The following RIMS1 variants were observed in gnomAD, a reference collection of about 807,000 sequenced individuals.
RIMS1 encodes regulating synaptic membrane exocytosis 1.
A neutral mutation model predicts 214.1 loss-of-function variants in RIMS1; 83 were observed. That is an observed-to-expected ratio of 0.39 (90% CI 0.32 to 0.47). The LOEUF is 0.47. Ranked by LOEUF, RIMS1 falls within the 20% of genes least tolerant of loss-of-function variation. The pLI is 0.99. For synonymous variants in RIMS1, 793 were observed against 786.8 expected (o/e 1.01, Z -0.13); for missense variants, 2,050 against 2,161.8 (o/e 0.95, Z 1.03).
At chr6:72,320,730 T>G (rs577006611) in intron 28 of RIMS1, among the ~76,000 whole-genome samples, 3 of 152,174 alleles carry the variant, frequency 2.0e-5, no homozygotes, top group Admixed American at 1.3e-4. Flanking sequence ...TACTTATTAT[T>G]GTTTTTTAGC....
intron 28 of RIMS1, among the ~76,000 whole-genome samples, chr6:72,318,855 A>G (rs1411479688): frequency 6.6e-6 from 1 of 152,164 alleles, no homozygotes; most frequent in Non-Finnish European, 1.5e-5. Context: ...GGCTAAGGAC[A>G]TATGCCTTTC....
At chr6:72,178,694 C>T (rs2048047005) in intron 4 of RIMS1, among the ~76,000 whole-genome samples, 1 of 152,192 alleles carries the variant, frequency 6.6e-6, no homozygotes, top group Non-Finnish European at 1.5e-5. Context: ...GAGCTGTTAG[C>T]ACCTATCTTT....
At chr6:72,266,186 C>T (rs2080439397) in intron 22 of RIMS1, 137 bp downstream of exon 22, 1 of 708,918 alleles carries the variant, frequency 1.4e-6, no homozygotes, top group African/African-American at 1.8e-5. Flanking sequence ...TTCCCCTTCC[C>T]TTATTATACA....
intron 5 of RIMS1, among the ~76,000 whole-genome samples, chr6:72,180,597 A>G (rs1000674720): frequency 4.6e-5 from 7 of 152,236 alleles, no homozygotes; most frequent in Admixed American, 4.6e-4. Flanking sequence ...TGATCAGATT[A>G]TTTACTTTGA....
In RIMS1 at chr6:72,265,496, C is replaced by G. The variant is rs765280842; in HGVS notation, c.3301C>G (p.Leu1101Val). 6.5e-7 allele frequency: 1 copy of G among 1,546,286 alleles called. No individual in the cohort carries two copies. Among genetic ancestry groups the G allele is most frequent in the Non-Finnish European group, 8.9e-7 (1 of 1,120,508 alleles). Residue 1101 changes from leucine to valine, a missense_variant, in exon 21 of 34, where the codon CTG becomes GTG. Leu to Val is a conservative substitution (Grantham distance 32, BLOSUM62 1). Around this residue, in one of 6 missense-constraint regions of RIMS1, gnomAD observed 889 missense variants for 885.5 expected, o/e 1.00. Coordinates refer to ENST00000521978, the MANE Select transcript of RIMS1 (RefSeq NM_014989.7). ...STVLRFTDEI[L>V]VSELQPFLDR... ...AGTATTGAGATTTACTGATGAAATA[C>G]TGGTTAGGTAAGAACATTTGGAAGT... is the stretch of plus-strand genomic sequence containing the variant.
rs377618811 is a variant in RIMS1 at position 71,912,486 on chromosome 6, A to G, written c.164+25299A>G. Among the ~76,000 whole-genome samples, 26 of 152,240 alleles carry G rather than the reference A, an allele frequency of 1.7e-4. No individual in the cohort carries two copies. The East Asian group carries it at 4.8e-3, about 28-fold the overall frequency. ...GTTATTATAACTGCTATTAAATTGT[A>G]ATAGTTTATAAAGCCTGAGTGTCTT... On this transcript the variant is annotated intron_variant, in intron 1 of 33. Coordinates refer to ENST00000521978, the MANE Select transcript of RIMS1 (RefSeq NM_014989.7).
chr6:72,113,886 A>T (rs1042125655), intron 4 of RIMS1, among the ~76,000 whole-genome samples: 5 of 152,126 alleles, frequency 3.3e-5, no homozygotes, highest in African/African-American at 1.2e-4. Flanking sequence ...TGCTATATGC[A>T]AGACACTTTT....
intron 2 of RIMS1, among the ~76,000 whole-genome samples, chr6:72,004,982 T>G (rs1389978780): frequency 1.3e-5 from 2 of 152,004 alleles, no homozygotes; most frequent in East Asian, 3.8e-4. Flanking sequence ...TAGGTTTTCT[T>G]CTAGGGTTTT....
chr6:72,108,052 TCTGTTGCCCAGG>T (rs899963324), intron 4 of RIMS1, among the ~76,000 whole-genome samples: 3 of 152,184 alleles, frequency 2.0e-5, no homozygotes, highest in African/African-American at 7.2e-5. Flanking sequence ...AGGGTCTCAT[TCTGTTGCCCAGG>T]CTCTAGTGCA....
chr6:72,100,964 A>G (rs1443797053), intron 4 of RIMS1, among the ~76,000 whole-genome samples: 4 of 151,936 alleles, frequency 2.6e-5, no homozygotes, highest in Non-Finnish European at 5.9e-5. Context: ...TATTTTTGGT[A>G]TTTATTTTTG....
intron 27 of RIMS1, among the ~76,000 whole-genome samples, chr6:72,312,198 A>T (rs2095544478): frequency 6.6e-6 from 1 of 152,180 alleles, no homozygotes; most frequent in Non-Finnish European, 1.5e-5. Context: ...ATCACAAAGG[A>T]TAGATGACTT....
intron 28 of RIMS1, among the ~76,000 whole-genome samples, chr6:72,329,149 G>A (rs1456320091): frequency 6.6e-6 from 1 of 151,874 alleles, no homozygotes; most frequent in Non-Finnish European, 1.5e-5. Flanking sequence ...AGGCATCCTT[G>A]GGCTTATAGA....
intron 4 of RIMS1, among the ~76,000 whole-genome samples, chr6:72,161,151 T>C (rs1352545107): frequency 7.1e-6 from 1 of 140,946 alleles, no homozygotes; most frequent in Non-Finnish European, 1.6e-5. Context: ...CCATTTCTTC[T>C]AGATTTTCTA....
chr6:72,249,588 A>G (rs2072082755), intron 12 of RIMS1, among the ~76,000 whole-genome samples: 1 of 152,072 alleles, frequency 6.6e-6, no homozygotes, highest in Non-Finnish European at 1.5e-5. Context: ...CTGGCAACAT[A>G]GCAAGACCCC....
chr6:72,287,597 T>C (rs1245528715), intron 24 of RIMS1, among the ~76,000 whole-genome samples: 1 of 137,488 alleles, frequency 7.3e-6, no homozygotes, highest in African/African-American at 2.8e-5. Flanking sequence ...CTCTGCAAAC[T>C]TTTTTTTTTT....
intron 6 of RIMS1, among the ~76,000 whole-genome samples, chr6:72,185,302 GA>G (rs35031218): frequency 0.53 from 80,305 of 151,724 alleles, 22,959 homozygotes; most frequent in East Asian, 0.83. Flanking sequence ...CGTTGTTATA[GA>G]AAAAAAACAT....
chr6:72,332,575 A>C (rs1178406725), intron 28 of RIMS1, among the ~76,000 whole-genome samples: 1 of 148,114 alleles, frequency 6.8e-6, no homozygotes, highest in African/African-American at 2.5e-5. Flanking sequence ...TAGGAGATAT[A>C]CCTAATGCTA....
rs773824677 is a variant in RIMS1, at chr6:72,099,958, T to C, written c.460-17T>C. 3.7e-6 allele frequency: 6 copies of C among 1,601,756 alleles called. No homozygotes were observed. In the African/African-American group the frequency reaches 5.3e-5, roughly 14 times the overall value. Reference sequence around the variant, plus strand: ...GTCTTCTTTCTCTACTCTGCTTCCTTGGATGCTTTCCCAAAGGAGGACAAA... The same window carrying C: ...GTCTTCTTTCTCTACTCTGCTTCCTCGGATGCTTTCCCAAAGGAGGACAAA... On this transcript the variant is annotated splice_polypyrimidine_tract_variant and intron_variant, in intron 3 of 33. Transcript: ENST00000521978.
At chr6:72,380,189 T>A (rs1035307533) in intron 29 of RIMS1, among the ~76,000 whole-genome samples, 4 of 151,994 alleles carry the variant, frequency 2.6e-5, no homozygotes, top group Non-Finnish European at 5.9e-5. Context: ...TAGGTGGGAA[T>A]TGAACAATGG....
Sources: gnomAD v4.1 joint callset for allele counts (sites outside exome capture counted in the v4.1 genomes callset) on GRCh38, gnomAD v4.1.1 for gene constraint, gnomAD v4.1.1 regional missense constraint, MANE v1.5 for transcripts, NCBI Gene and HGNC (gene_info 2026-07-23, HGNC 2026-07-21) for gene names.